The following COL10A1 variants were observed in gnomAD, a reference collection of about 807,000 sequenced individuals.
The protein encoded by COL10A1 is collagen alpha-1(X) chain.
In COL10A1, 10 loss-of-function variants were observed where a neutral mutation model predicts 18.2. That is an observed-to-expected ratio of 0.55 (90% CI 0.34 to 0.93). The LOEUF (loss-of-function observed/expected upper bound fraction) is 0.93, where lower values mean the gene tolerates loss of function less well. Among genes scored for constraint, COL10A1 ranks in the 40% least tolerant of loss-of-function variants. The pLI, the probability that COL10A1 is intolerant of heterozygous loss-of-function variation, is 0.02. For missense variants in COL10A1, 897 were observed against 853.5 expected (o/e 1.05, Z -0.64); for synonymous variants, 330 against 316.6 (o/e 1.04, Z -0.45).
chr6:116,178,587 A>G, the COL10A1 span, among the ~76,000 whole-genome samples: 1 of 152,236 alleles, frequency 6.6e-6, no homozygotes, highest in South Asian at 2.1e-4. Flanking sequence ...CAAATTACCA[A>G]GTGTTCCCAC....
the COL10A1 span, among the ~76,000 whole-genome samples, chr6:116,207,485 G>T: frequency 6.6e-6 from 1 of 151,480 alleles, no homozygotes; most frequent in Non-Finnish European, 1.5e-5. Context: ...CATGCTTACC[G>T]GGTAAAGAGT....
At position 116,120,358 on chromosome 6, in the gene COL10A1, A is replaced by G; in HGVS notation, c.1758T>C (p.Thr586=). 6.2e-7 allele frequency: 1 copy of G among 1,614,260 alleles called. No homozygotes were observed. The highest frequency in any genetic ancestry group is 8.5e-7 in the Non-Finnish European group (1 of 1,180,038). The change falls in exon 3 of 3, where the codon ACT becomes ACC. Residue 586 remains threonine, a synonymous_variant. Coordinates refer to ENST00000651968, the MANE Select transcript of COL10A1 (RefSeq NM_000493.4). ...YNRQQHYDPR[T]GIFTCQIPGI... The stretch of plus-strand genomic sequence containing the variant: ...CTGGTATCTGACAAGTAAAGATTCC[A>G]GTCCTTGGGTCATAATGCTGTTGCC...
Position 116,135,870 on chromosome 6 carries a change from T to TACAC in COL10A1, c.-15-10364_-15-10363insGTGT, listed in dbSNP as rs1171866948. ...ATATATATATATATATATATATATA[T>TACAC]ATACACACATACACACACATTGCTA... On this transcript the variant is annotated intron_variant, in intron 1 of 1. Transcript: ENST00000418500. 2.2e-3 allele frequency among the ~76,000 whole-genome samples: 261 copies of TACAC among 119,268 alleles called. 3 individuals carry two copies. Among genetic ancestry groups the TACAC allele is most frequent in the African/African-American group, 8.3e-3 (241 of 28,876 alleles). 78.2% of individuals were successfully genotyped at this position (119,268 alleles called of 152,430 possible).
chr6:116,159,818 C>T (rs902953560), upstream of COL10A1, among the ~76,000 whole-genome samples: 1 of 152,120 alleles, frequency 6.6e-6, no homozygotes, highest in Non-Finnish European at 1.5e-5. Context: ...CTATTATTTC[C>T]ATCTTTATGT....
the COL10A1 span, among the ~76,000 whole-genome samples, chr6:116,204,250 A>G: frequency 6.6e-6 from 1 of 151,986 alleles, no homozygotes; most frequent in Admixed American, 6.6e-5. Context: ...AACTTCATAA[A>G]TAGCCCTCAA....
Position 116,121,703 on chromosome 6 carries a change from CG to C in COL10A1, c.412del (p.Arg138GlyfsTer47), listed in dbSNP as rs1179040682. 1 of 1,613,504 alleles carries C rather than the reference CG, an allele frequency of 6.2e-7. No homozygotes were observed. The highest frequency in any genetic ancestry group is 2.2e-5 in the East Asian group (1 of 44,868). On this transcript the variant is annotated frameshift_variant, in exon 3 of 3. Coordinates refer to ENST00000651968, the MANE Select transcript of COL10A1 (RefSeq NM_000493.4). LOFTEE classifies it low-confidence loss of function (END_TRUNC). ...GATTCCAGGTGGTCCTGGTGGGCCC[CG>C]GGGTCCTGGTAGGCCAGCTGGTCCA... is the stretch of plus-strand genomic sequence containing the variant. ...DVGPAGLPGP[R>X]GPPGPPGIPG...
chr6:116,204,952 A>G, the COL10A1 span, among the ~76,000 whole-genome samples: 2 of 152,010 alleles, frequency 1.3e-5, no homozygotes, highest in Admixed American at 6.6e-5. Context: ...ACTAGAAAAT[A>G]CATGTATATG....
chr6:116,216,706 T>C, the COL10A1 span, among the ~76,000 whole-genome samples: 1 of 152,094 alleles, frequency 6.6e-6, no homozygotes, highest in Non-Finnish European at 1.5e-5. Context: ...AAATCTGTTT[T>C]AATACATTTT....
At position 116,121,607 on chromosome 6, in the gene COL10A1, C is replaced by T. The variant is rs1161095064; in HGVS notation, c.509G>A (p.Arg170Lys). ...QQGPTGAPGP[R>K]GFPGEKGAPG... ...TGCACCCTTTTCTCCAGGAAAGCCC[C>T]TGGGTCCTGGGGCTCCTGTGGGTCC... The change falls in exon 3 of 3, where the codon AGG becomes AAG. Residue 170 changes from arginine to lysine, a missense_variant. Physicochemically the swap from Arg to Lys is conservative, Grantham distance 26. Transcript: ENST00000651968. The T allele has an allele frequency of 1.2e-6, 2 of 1,613,980 alleles. No homozygotes were observed. Among genetic ancestry groups the T allele is most frequent in the East Asian group, 2.2e-5 (1 of 44,858 alleles).
At chr6:116,156,339 T>TCAAC (rs940787173) in intron 1 of COL10A1, among the ~76,000 whole-genome samples, 14 of 152,092 alleles carry the variant, frequency 9.2e-5, no homozygotes, top group African/African-American at 3.4e-4. Context: ...TAGATCTCAT[T>TCAAC]CAACTAGTTG....
chr6:116,207,414 C>T, the COL10A1 span, among the ~76,000 whole-genome samples: 2 of 151,746 alleles, frequency 1.3e-5, no homozygotes, highest in African/African-American at 4.8e-5. Flanking sequence ...ATGATAGATA[C>T]ATATGTCCAT....
the COL10A1 span, among the ~76,000 whole-genome samples, chr6:116,186,642 T>G: frequency 5.7e-3 from 862 of 152,196 alleles, 17 homozygotes; most frequent in South Asian, 0.046. Flanking sequence ...GAGCTCTGAC[T>G]TTTTCTTCTA....
intron 1 of COL10A1, chr6:116,137,243 A>T (rs944721194): frequency 6.4e-6 from 1 of 157,222 alleles, no homozygotes; most frequent in African/African-American, 2.4e-5. Flanking sequence ...GACTCAGACC[A>T]GATTTCAACA....
intron 1 of COL10A1, among the ~76,000 whole-genome samples, chr6:116,139,886 A>G (rs1779721033): frequency 6.6e-6 from 1 of 152,194 alleles, no homozygotes; most frequent in Non-Finnish European, 1.5e-5. Context: ...TAAAAATAAC[A>G]TTCTATGATT....
At chr6:116,177,782 C>T in the COL10A1 span, among the ~76,000 whole-genome samples, 16 of 152,178 alleles carry the variant, frequency 1.1e-4, no homozygotes, top group East Asian at 2.3e-3. Context: ...ATTATAACCA[C>T]GTGAAAGGGC....
the COL10A1 span, among the ~76,000 whole-genome samples, chr6:116,173,256 C>G: frequency 1.6e-3 from 245 of 152,298 alleles, 3 homozygotes; most frequent in Admixed American, 0.013. Context: ...TTGAAATACA[C>G]ATGGAGCTGC....
At chr6:116,148,939 C>T (rs747341015) in intron 1 of COL10A1, among the ~76,000 whole-genome samples, 16 of 152,200 alleles carry the variant, frequency 1.1e-4, no homozygotes, top group Non-Finnish European at 1.9e-4. Flanking sequence ...TCCAAGAAGC[C>T]AGTCTTTTGT....
chr6:116,179,148 A>G, the COL10A1 span, among the ~76,000 whole-genome samples: 5 of 152,290 alleles, frequency 3.3e-5, no homozygotes, highest in African/African-American at 1.2e-4. Flanking sequence ...GGGGATACCA[A>G]TTTATTTGTT....
At chr6:116,151,540 G>A (rs1471380794) in intron 1 of COL10A1, among the ~76,000 whole-genome samples, 1 of 152,090 alleles carries the variant, frequency 6.6e-6, no homozygotes, top group Non-Finnish European at 1.5e-5. Context: ...GTTAATATAA[G>A]ACTATTAAGT....
Sources: gnomAD v4.1 joint callset for allele counts (sites outside exome capture counted in the v4.1 genomes callset) on GRCh38, gnomAD v4.1.1 for gene constraint, MANE v1.5 for transcripts, NCBI Gene and HGNC (gene_info 2026-07-23, HGNC 2026-07-21) for gene names.